WASHC2C: variants seen among roughly 807,000 people sequenced by gnomAD.
WASHC2C encodes the protein Vaccinia Penetration Factor.
WASHC2C carries 73 observed loss-of-function variants against 142.2 expected under a neutral mutation model. The ratio of observed to expected loss-of-function variants is 0.51; its 90% CI spans 0.43 to 0.62. The LOEUF (loss-of-function observed/expected upper bound fraction) is 0.62. WASHC2C is among the 20% of genes least tolerant of loss of function. WASHC2C has a pLI of 0.00. For missense variants in WASHC2C, 969 were observed against 1,531.7 expected (o/e 0.63, Z 6.13); for synonymous variants, 337 against 565.5 (o/e 0.60, Z 5.73).
At chr10:45,775,486 CAA>C (rs1295627773) in intron 21 of WASHC2C, among the ~76,000 whole-genome samples, 9 of 99,566 alleles carry the variant, frequency 9.0e-5, no homozygotes, top group Non-Finnish European at 8.3e-5. Context: ...GACTCCATCT[CAA>C]AAAAAAAAAA....
intron 13 of WASHC2C, among the ~76,000 whole-genome samples, chr10:45,754,102 G>A (rs4042699): frequency 1.3e-5 from 2 of 151,800 alleles, no homozygotes; most frequent in Admixed American, 6.6e-5. Flanking sequence ...ATGTTTTTGC[G>A]GTTCTTTTTC....
chr10:45,758,012 A>G (rs1277647225), intron 16 of WASHC2C, among the ~76,000 whole-genome samples: 2 of 151,712 alleles, frequency 1.3e-5, no homozygotes, highest in Non-Finnish European at 2.9e-5. Flanking sequence ...TCTGCATTGC[A>G]TTTGGTTGTC....
At chr10:45,790,114 G>A (rs1329564673) in intron 29 of WASHC2C, among the ~76,000 whole-genome samples, 1 of 152,226 alleles carries the variant, frequency 6.6e-6, no homozygotes, top group East Asian at 1.9e-4. Flanking sequence ...AGGGCTGGGA[G>A]GTGCTCCTTT....
At position 45,784,713 on chromosome 10, in the gene WASHC2C, C is replaced by T. The variant is rs2057900092; in HGVS notation, c.2607+20C>T. ...ACCAAGGTCAGTTCCAAATGGTTCC[C>T]CACAGTATGACTTGTTATTGTATTG... On this transcript the variant is annotated intron_variant, in intron 24 of 30. Coordinates refer to ENST00000623400, the MANE Select transcript of WASHC2C (RefSeq NM_001330074.2). 6.2e-7 allele frequency: 1 copy of T among 1,604,334 alleles called. No homozygotes were observed.
At chr10:45,783,332 C>A (rs1246210762) in intron 23 of WASHC2C, among the ~76,000 whole-genome samples, 1 of 152,102 alleles carries the variant, frequency 6.6e-6, no homozygotes, top group African/African-American at 2.4e-5. Context: ...TAATATTTTT[C>A]CACAGTTGTG....
intron 15 of WASHC2C, 99 bp downstream of exon 15, chr10:45,755,214 A>G: frequency 1.3e-6 from 2 of 1,500,038 alleles, no homozygotes; most frequent in Non-Finnish European, 1.8e-6. Context: ...TTACAGTGCC[A>G]GAATCCCTTC....
intron 3 of WASHC2C, among the ~76,000 whole-genome samples, chr10:45,731,925 G>A (rs1375676387): frequency 2.0e-5 from 3 of 151,214 alleles, no homozygotes; most frequent in African/African-American, 7.3e-5. Context: ...CTCCTGAGTA[G>A]CTGGGATGAC....
chr10:45,730,907 C>G (rs2050494524), intron 3 of WASHC2C, among the ~76,000 whole-genome samples: 1 of 151,824 alleles, frequency 6.6e-6, no homozygotes, highest in African/African-American at 2.4e-5. Context: ...GCCTGAGCCA[C>G]GGCGCCCGGC....
chr10:45,747,736 T>G (rs1554871818), intron 8 of WASHC2C, among the ~76,000 whole-genome samples: 2 of 149,816 alleles, frequency 1.3e-5, no homozygotes, highest in Non-Finnish European at 3.0e-5. Flanking sequence ...GGACTATGGG[T>G]GTGTGGCACC....
At chr10:45,768,040 A>G (rs1473014220) in intron 19 of WASHC2C, among the ~76,000 whole-genome samples, 3 of 136,152 alleles carry the variant, frequency 2.2e-5, no homozygotes, top group African/African-American at 8.2e-5. Context: ...AGCCTGGCCA[A>G]CATGGCGAAA....
intron 17 of WASHC2C, among the ~76,000 whole-genome samples, chr10:45,759,810 C>G (rs537738804): frequency 2.6e-5 from 4 of 152,226 alleles, no homozygotes; most frequent in Non-Finnish European, 5.9e-5. Flanking sequence ...CAGAGCGAGA[C>G]TTCATCTCAA....
In WASHC2C at chr10:45,765,433, A is replaced by G. The variant is rs868934603; in HGVS notation, c.1738-246A>G. Among the ~76,000 whole-genome samples, 29 of 149,534 alleles carry G rather than the reference A, an allele frequency of 1.9e-4. 1 individual carries two copies. Among genetic ancestry groups the G allele is most frequent in the Non-Finnish European group, 3.6e-4 (24 of 67,498 alleles). ...CCTTGTACTTCATGATCTCATTTGCATGTTGTTCTCCTGCTTATATGCAGC... is the reference window on the plus strand; with the variant it reads ...CCTTGTACTTCATGATCTCATTTGCGTGTTGTTCTCCTGCTTATATGCAGC... On this transcript the variant is annotated intron_variant, in intron 18 of 30. Coordinates refer to ENST00000623400, the MANE Select transcript of WASHC2C (RefSeq NM_001330074.2).
intron 19 of WASHC2C, 108 bp from the exon 20 acceptor site, chr10:45,769,341 A>G: frequency 6.9e-7 from 1 of 1,443,690 alleles, no homozygotes; most frequent in Middle Eastern, 2.5e-4. Flanking sequence ...GATGGTCTTG[A>G]TCTGCTGATC....
chr10:45,734,873 C>T (rs1345586465), intron 3 of WASHC2C, among the ~76,000 whole-genome samples: 6 of 151,494 alleles, frequency 4.0e-5, no homozygotes, highest in Admixed American at 2.6e-4. Flanking sequence ...CACAGGTGTT[C>T]GCCACCATGC....
intron 23 of WASHC2C, among the ~76,000 whole-genome samples, chr10:45,784,271 T>TATATATATACAC (rs2057794916): frequency 2.3e-4 from 2 of 8,724 alleles, no homozygotes; most frequent in African/African-American, 4.2e-4. Flanking sequence ...TATATATATA[T>TATATATATACAC]ATATATATAT....
rs781935267 is a variant in WASHC2C, at chr10:45,787,063, T to C, written c.2903T>C (p.Leu968Ser). 8 of 1,609,966 alleles carry C rather than the reference T, an allele frequency of 5.0e-6. No individual in the cohort carries two copies. Among genetic ancestry groups the C allele is most frequent in the Admixed American group, 1.7e-5 (1 of 59,778 alleles). ...QANLAINPAALLPTAASQISE... is the reference protein window; with the variant it reads ...QANLAINPAASLPTAASQISE... ...AATTTAGCGATCAACCCAGCGGCCT[T>C]GCTGCCCACAGCGGCTTCCCAGATC... is the stretch of plus-strand genomic sequence containing the variant. Residue 968 changes from leucine to serine, a missense_variant, in exon 28 of 31, where the codon TTG (leucine) becomes TCG (serine). Transcript: ENST00000623400.
In WASHC2C at chr10:45,784,293, C is replaced by CACACACATAT. The variant is rs1305333868; in HGVS notation, c.2479-271_2479-270insCACACATATA. On this transcript the variant is annotated intron_variant, in intron 23 of 30. Transcript: ENST00000623400. ...ATATATATATATATATATATATACACATATATATATATATATATACACACA... is the reference window on the plus strand; with the variant it reads ...ATATATATATATATATATATATACACACACACATATATATATATATATATATATACACACA... Among the ~76,000 whole-genome samples the CACACACATAT allele has an allele frequency of 2.8e-3, 178 of 63,628 alleles. 2 individuals carry two copies. The highest frequency in any genetic ancestry group is 0.014 in the East Asian group (24 of 1,690). 41.7% of individuals were successfully genotyped at this position (63,628 alleles called of 152,430 possible).
At chr10:45,751,933 C>T (rs1308671929) in intron 11 of WASHC2C, among the ~76,000 whole-genome samples, 2 of 152,120 alleles carry the variant, frequency 1.3e-5, no homozygotes, top group Non-Finnish European at 2.9e-5. Context: ...GCCTTGATCG[C>T]GCCACTGCAT....
At position 45,778,370 on chromosome 10, in the gene WASHC2C, G is replaced by A. The variant is rs2135531250; in HGVS notation, c.2296-583G>A. On this transcript the variant is annotated intron_variant, in intron 22 of 30. Transcript: ENST00000623400. ...TAAAGAAGCATTTTTTTAATAGTTTGAGTACTCTGAAATCGGGATGTACCT... is the reference window on the plus strand; with the variant it reads ...TAAAGAAGCATTTTTTTAATAGTTTAAGTACTCTGAAATCGGGATGTACCT... Among the ~76,000 whole-genome samples, 3 of 49,848 alleles carry A rather than the reference G, an allele frequency of 6.0e-5. No individual in the cohort carries two copies. In the Middle Eastern group the frequency reaches 0.016, roughly 265 times the overall value. 32.7% of individuals were successfully genotyped at this position (49,848 alleles called of 152,430 possible).
Sources: allele counts gnomAD v4.1 joint callset (sites outside exome capture counted in the v4.1 genomes callset), GRCh38; gene constraint gnomAD v4.1.1; transcripts MANE v1.5; gene names NCBI Gene and HGNC (gene_info 2026-07-23, HGNC 2026-07-21).